Variants in CTNNA2 observed in about 807,000 individuals in gnomAD.
The protein encoded by CTNNA2 is catenin alpha-2.
A neutral mutation model predicts 101.0 loss-of-function variants in CTNNA2; 42 were observed. The ratio of observed to expected loss-of-function variants is 0.42; its 90% confidence interval spans 0.32 to 0.54. The LOEUF is 0.54. Ranked by LOEUF, CTNNA2 falls within the 20% of genes least tolerant of loss-of-function variation. The probability of loss-of-function intolerance (pLI) is 0.14; values close to 1 mark genes in which losing one functional copy is unlikely to be tolerated. For missense variants in CTNNA2, 871 were observed against 1,223.1 expected (o/e 0.71, Z 4.29); for synonymous variants, 450 against 456.4 (o/e 0.99, Z 0.18).
At chr2:79,668,132 C>T (rs911023451) in intron 2 of CTNNA2, among the ~76,000 whole-genome samples, 4 of 148,882 alleles carry the variant, frequency 2.7e-5, no homozygotes, top group Non-Finnish European at 4.5e-5. Flanking sequence ...CCCAGCTACT[C>T]GGGAGGCTGA....
At chr2:80,170,087 A>G (rs559192527) in intron 7 of CTNNA2, among the ~76,000 whole-genome samples, 17 of 152,086 alleles carry the variant, frequency 1.1e-4, no homozygotes, top group African/African-American at 3.1e-4. Context: ...AACAATAACA[A>G]TTCTCCTCTA....
chr2:79,888,048 T>C (rs1360889216), intron 6 of CTNNA2, among the ~76,000 whole-genome samples: 1 of 152,178 alleles, frequency 6.6e-6, no homozygotes, highest in Non-Finnish European at 1.5e-5. Flanking sequence ...GATGCAAATA[T>C]GGACAGTGTG....
At chr2:79,269,831 C>T (rs902771828) in intron 2 of CTNNA2, among the ~76,000 whole-genome samples, 5 of 152,218 alleles carry the variant, frequency 3.3e-5, no homozygotes, top group Admixed American at 3.3e-4. Flanking sequence ...CTAACTTCCC[C>T]TGGATCTAGC....
intron 7 of CTNNA2, among the ~76,000 whole-genome samples, chr2:80,213,901 T>C (rs1389515284): frequency 6.6e-6 from 1 of 152,210 alleles, no homozygotes; most frequent in East Asian, 1.9e-4. Flanking sequence ...GGTGCTCTAG[T>C]ATTGAGTGCA....
chr2:79,805,051 T>C lies in CTNNA2; in HGVS notation c.299-52962T>C, dbSNP rs114935764. Among the ~76,000 whole-genome samples, 636 of 152,234 alleles carry C rather than the reference T, an allele frequency of 4.2e-3. 4 individuals are homozygous for C. The highest frequency in any genetic ancestry group is 0.015 in the African/African-American group (607 of 41,516). ...AGGCTTGTGGGAAGTGCATTATTAA[T>C]TGAACATCAAATGCTTTTATGGTAT... On this transcript the variant is annotated intron_variant, in intron 3 of 18. Coordinates refer to ENST00000402739, the MANE Select transcript of CTNNA2 (RefSeq NM_001282597.3).
At chr2:79,714,918 C>T (rs932066045) in intron 2 of CTNNA2, among the ~76,000 whole-genome samples, 2 of 151,272 alleles carry the variant, frequency 1.3e-5, no homozygotes, top group Non-Finnish European at 2.9e-5. Flanking sequence ...AGGACGAGCG[C>T]GGTAGCTCAC....
chr2:80,461,771 G>A (rs1559129720), intron 9 of CTNNA2, among the ~76,000 whole-genome samples: 3 of 152,036 alleles, frequency 2.0e-5, no homozygotes, highest in Non-Finnish European at 2.9e-5. Flanking sequence ...AGATCTTATT[G>A]CTAGACTTGG....
At chr2:79,422,630 A>G (rs1443584483) in intron 4 of CTNNA2, among the ~76,000 whole-genome samples, 1 of 152,216 alleles carries the variant, frequency 6.6e-6, no homozygotes, top group Non-Finnish European at 1.5e-5. Flanking sequence ...CATTCCCAGA[A>G]TTTTTAAATT....
chr2:79,460,734 C>G (rs1036464814), intron 4 of CTNNA2, among the ~76,000 whole-genome samples: 1 of 152,166 alleles, frequency 6.6e-6, no homozygotes, highest in Non-Finnish European at 1.5e-5. Flanking sequence ...CATGATCACC[C>G]CCTTAGACTT....
rs776395019 is a variant in CTNNA2 at position 80,303,199 on chromosome 2, G to A, written c.1057-90012G>A. The A allele has an allele frequency of 1.9e-6, 3 of 1,613,810 alleles. No homozygotes were observed. The African/African-American group carries it at 4.0e-5, about 22-fold the overall frequency. On this transcript the variant is annotated intron_variant, in intron 7 of 18. Coordinates refer to ENST00000402739, the MANE Select transcript of CTNNA2 (RefSeq NM_001282597.3). This position sits in a 1 kb window ranked among gnomAD's most constrained non-coding sequence, Gnocchi z 7.7. Reference sequence around the variant, plus strand: ...GGTGCAGCTCGGTGAGCTTAAACAAGCCGGCGAAAGAGTTGCGCGCCAGAC... The same window carrying A: ...GGTGCAGCTCGGTGAGCTTAAACAAACCGGCGAAAGAGTTGCGCGCCAGAC...
intron 1 of CTNNA2, among the ~76,000 whole-genome samples, chr2:79,539,195 A>G (rs1673255571): frequency 6.6e-6 from 1 of 152,172 alleles, no homozygotes; most frequent in African/African-American, 2.4e-5. Flanking sequence ...AACAGAACCA[A>G]CACTATGGGG....
intron 1 of CTNNA2, among the ~76,000 whole-genome samples, chr2:79,563,265 A>T (rs950985186): frequency 6.6e-6 from 1 of 151,562 alleles, no homozygotes; most frequent in Non-Finnish European, 1.5e-5. Flanking sequence ...CTTACATAAA[A>T]AAGTATTTAT....
chr2:80,178,551 G>C (rs1185324189), intron 7 of CTNNA2, among the ~76,000 whole-genome samples: 1 of 152,134 alleles, frequency 6.6e-6, no homozygotes, highest in Non-Finnish European at 1.5e-5. Context: ...GATCTTGATG[G>C]GTCACATGGC....
intron 7 of CTNNA2, among the ~76,000 whole-genome samples, chr2:80,108,630 T>A (rs1701027855): frequency 6.6e-6 from 1 of 152,216 alleles, no homozygotes. Flanking sequence ...CAGGCTATGA[T>A]TTGCACATTC....
At chr2:79,791,586 CAT>C (rs142920536) in intron 3 of CTNNA2, among the ~76,000 whole-genome samples, 87 of 152,190 alleles carry the variant, frequency 5.7e-4, no homozygotes, top group African/African-American at 2.0e-3. Context: ...TTTATGAAAA[CAT>C]ATACTCCTTG....
chr2:80,324,343 G>A (rs1394483007), intron 7 of CTNNA2, among the ~76,000 whole-genome samples: 1 of 152,116 alleles, frequency 6.6e-6, no homozygotes, highest in African/African-American at 2.4e-5. Context: ...CATAGGCGAA[G>A]TCAGGACATT....
Position 80,337,818 on chromosome 2 carries a change from A to G in CTNNA2, c.1057-55393A>G, listed in dbSNP as rs538878698. Among the ~76,000 whole-genome samples the G allele has an allele frequency of 2.2e-4, 34 of 152,258 alleles. No homozygotes were observed. In the South Asian group the frequency reaches 3.9e-3, roughly 18 times the overall value. ...TTATGTCAAAAGGTAGAGACAAGTC[A>G]TAGGAGGACTTGCTGCAGCCCCTTA... On this transcript the variant is annotated intron_variant, in intron 7 of 18. Coordinates refer to ENST00000402739, the MANE Select transcript of CTNNA2 (RefSeq NM_001282597.3).
At chr2:80,070,359 A>G (rs1026013883) in intron 7 of CTNNA2, among the ~76,000 whole-genome samples, 1 of 152,144 alleles carries the variant, frequency 6.6e-6, no homozygotes, top group Non-Finnish European at 1.5e-5. Flanking sequence ...GGCTGCTGTA[A>G]CACATTATCA....
intron 7 of CTNNA2, among the ~76,000 whole-genome samples, chr2:80,227,656 A>G (rs899509682): frequency 1.3e-5 from 2 of 152,198 alleles, no homozygotes; most frequent in African/African-American, 4.8e-5. Flanking sequence ...CATGATGTGC[A>G]CAGGGCAGCC....
Sources: allele counts gnomAD v4.1 joint callset (sites outside exome capture counted in the v4.1 genomes callset), GRCh38; gene constraint gnomAD v4.1.1; non-coding constraint Gnocchi (gnomAD v3.1); transcripts MANE v1.5; gene names NCBI Gene and HGNC (gene_info 2026-07-23, HGNC 2026-07-21).